KMT5B: variants seen among roughly 807,000 people sequenced by gnomAD.
KMT5B encodes histone-lysine N-methyltransferase KMT5B.
A neutral mutation model predicts 83.2 loss-of-function variants in KMT5B; 10 were observed. The observed-to-expected ratio is 0.12, with a 90% CI of 0.07 to 0.20. The LOEUF is 0.20. Among genes scored for constraint, KMT5B ranks in the 10% least tolerant of loss-of-function variants. The pLI is 1.00. For synonymous variants in KMT5B, 349 were observed against 388.8 expected (o/e 0.90, Z 1.20); for missense variants, 753 against 1,067.2 (o/e 0.71, Z 4.10).
chr11:68,192,707 A>G (rs1858231314), intron 1 of KMT5B, among the ~76,000 whole-genome samples: 1 of 152,232 alleles, frequency 6.6e-6, no homozygotes, highest in African/African-American at 2.4e-5. Context: ...CTGGCTACTC[A>G]TCACCACAAA....
At chr11:68,165,408 G>A (rs985352394) in intron 10 of KMT5B, among the ~76,000 whole-genome samples, 1 of 152,176 alleles carries the variant, frequency 6.6e-6, no homozygotes, top group Non-Finnish European at 1.5e-5. Context: ...GGAGGCTGAG[G>A]CAGGAGAATC....
intron 4 of KMT5B, chr11:68,179,404 G>A: frequency 8.1e-7 from 1 of 1,240,098 alleles, no homozygotes; most frequent in Non-Finnish European, 1.1e-6. Flanking sequence ...AAATAAAAAT[G>A]TCATTTACAA....
chr11:68,213,411 C>T (rs1342324982), upstream of KMT5B: 1 of 145,358 alleles, frequency 6.9e-6, no homozygotes, highest in South Asian at 1.8e-4. Flanking sequence ...GCGCCCCCCG[C>T]GCCCCCGGCC....
At chr11:68,199,986 G>A (rs1859229629) in intron 1 of KMT5B, among the ~76,000 whole-genome samples, 1 of 152,162 alleles carries the variant, frequency 6.6e-6, no homozygotes, top group South Asian at 2.1e-4. Context: ...TTTGGTTTTG[G>A]TCATTTTTTC....
chr11:68,162,094 T>C (rs1358089497), intron 10 of KMT5B, among the ~76,000 whole-genome samples: 1 of 152,200 alleles, frequency 6.6e-6, no homozygotes, highest in Non-Finnish European at 1.5e-5. Flanking sequence ...CCATGTGCCG[T>C]GGAGTCCACC....
chr11:68,188,351 T>C (rs902091151), intron 2 of KMT5B, among the ~76,000 whole-genome samples: 1 of 151,432 alleles, frequency 6.6e-6, no homozygotes, highest in African/African-American at 2.4e-5. Flanking sequence ...AACTCTTTTT[T>C]TTTTTCTTTA....
At chr11:68,161,659 A>G (rs1358975317) in intron 10 of KMT5B, among the ~76,000 whole-genome samples, 1 of 152,116 alleles carries the variant, frequency 6.6e-6, no homozygotes, top group East Asian at 1.9e-4. Flanking sequence ...TCTGAATGTG[A>G]CACTGATAAC....
At chr11:68,176,064 G>A (rs901755397) in intron 4 of KMT5B, among the ~76,000 whole-genome samples, 6 of 151,988 alleles carry the variant, frequency 3.9e-5, no homozygotes, top group Admixed American at 2.0e-4. Context: ...ACAGGCGTGC[G>A]CCACCATGCC....
In KMT5B at chr11:68,204,442, A is replaced by G. The variant is rs577622328; in HGVS notation, c.-77+8696T>C. ...GACACCTCACAAAGTACAGAAGGTG[A>G]AGCAGACTGGAGTGATGTGGCCACA... On this transcript the variant is annotated intron_variant, in intron 1 of 10. Coordinates refer to ENST00000304363, the MANE Select transcript of KMT5B (RefSeq NM_017635.5). 3.3e-5 allele frequency among the ~76,000 whole-genome samples: 5 copies of G among 152,222 alleles called. No individual in the cohort carries two copies. The South Asian group carries it at 6.2e-4, about 19-fold the overall frequency.
rs563562629 is a variant in KMT5B at position 68,203,656 on chromosome 11, A to G, written c.-77+9482T>C. On this transcript the variant is annotated intron_variant, in intron 1 of 10. Coordinates refer to ENST00000304363, the MANE Select transcript of KMT5B (RefSeq NM_017635.5). ...GTTGCTAATTTGTTAGAAAACTACC[A>G]CGAATTCACGTTCATACCTGTAACC... Among the ~76,000 whole-genome samples the G allele has an allele frequency of 3.3e-5, 5 of 152,314 alleles. No homozygotes were observed. The East Asian group carries it at 9.6e-4, about 29-fold the overall frequency.
chr11:68,181,636 T>C (rs1856945306), intron 3 of KMT5B, among the ~76,000 whole-genome samples: 1 of 152,210 alleles, frequency 6.6e-6, no homozygotes, highest in Non-Finnish European at 1.5e-5. Context: ...TATTGGCTAT[T>C]TACTACCTTA....
At chr11:68,176,649 G>A (rs1856414204) in intron 4 of KMT5B, 1 of 152,088 alleles carries the variant, frequency 6.6e-6, no homozygotes, top group Admixed American at 6.6e-5. Flanking sequence ...GGCCCACGTA[G>A]TGGTACACGC....
At chr11:68,165,885 T>G in intron 10 of KMT5B, 1 of 1,612,864 alleles carries the variant, frequency 6.2e-7, no homozygotes, top group Non-Finnish European at 8.5e-7. Context: ...GCAGGTAGAT[T>G]CAGGAATTCA....
chr11:68,167,042 C>T lies in KMT5B; in HGVS notation c.1114G>A (p.Asp372Asn). 1 of 1,614,104 alleles carries T rather than the reference C, an allele frequency of 6.2e-7. No homozygotes were observed. The change falls in exon 10 of 11, where the codon GAC becomes AAC. Residue 372 changes from aspartate to asparagine, a missense_variant. This residue lies in a region of KMT5B where 397 missense variants were observed against 395.9 expected (regional missense o/e 1.00). Coordinates refer to ENST00000304363, the MANE Select transcript of KMT5B (RefSeq NM_017635.5). The stretch of plus-strand genomic sequence containing the variant: ...GTGTTAGAGCTGACAGATTGACTGT[C>T]TGAATTTTTGCTGCTGTCACCTAAC... ...KKLGDSSKNS[D>N]SQSVSSNTDA...
intron 10 of KMT5B, among the ~76,000 whole-genome samples, chr11:68,163,935 T>G (rs966928359): frequency 2.6e-5 from 4 of 152,174 alleles, no homozygotes; most frequent in African/African-American, 9.7e-5. Context: ...CCGATTCTTC[T>G]GGGGCTTGTC....
upstream of KMT5B, chr11:68,213,358 C>G (rs1266466061): frequency 1.4e-5 from 2 of 147,370 alleles, no homozygotes; most frequent in Admixed American, 6.8e-5. Flanking sequence ...GTCCCCGCAG[C>G]GTCCGAGCCC....
intron 6 of KMT5B, among the ~76,000 whole-genome samples, chr11:68,172,392 G>T (rs1855919963): frequency 6.7e-6 from 1 of 148,288 alleles, no homozygotes; most frequent in Non-Finnish European, 1.5e-5. Context: ...ACCACACCTA[G>T]CTCATTTTTT....
At chr11:68,184,636 T>A (rs1762009632) in intron 3 of KMT5B, among the ~76,000 whole-genome samples, 2 of 152,202 alleles carry the variant, frequency 1.3e-5, no homozygotes, top group South Asian at 4.1e-4. Flanking sequence ...ATCAGAACTA[T>A]ATAACCCCAG....
intron 1 of KMT5B, among the ~76,000 whole-genome samples, chr11:68,199,024 C>T (rs1333247918): frequency 2.6e-5 from 4 of 152,158 alleles, no homozygotes; most frequent in East Asian, 1.9e-4. Context: ...CCACCACGCC[C>T]GGCCATTACT....
Sources: allele counts gnomAD v4.1 joint callset (sites outside exome capture counted in the v4.1 genomes callset), GRCh38; gene constraint gnomAD v4.1.1; regional missense constraint gnomAD v4.1.1; transcripts MANE v1.5; gene names NCBI Gene and HGNC (gene_info 2026-07-23, HGNC 2026-07-21).